The following LIM2 variants were observed in gnomAD, a reference collection of about 807,000 sequenced individuals.
LIM2 encodes lens fiber membrane intrinsic protein.
A neutral mutation model predicts 19.0 loss-of-function variants in LIM2; 14 were observed. That is an observed-to-expected ratio of 0.74 (90% CI 0.49 to 1.15). The LOEUF is 1.15. LIM2 is among the 50% of genes most tolerant of loss of function. The probability of loss-of-function intolerance (pLI) is 0.00; values close to 1 mark genes in which losing one functional copy is unlikely to be tolerated. For missense variants in LIM2, 230 were observed against 243.5 expected (o/e 0.94, Z 0.37); for synonymous variants, 78 against 89.6 (o/e 0.87, Z 0.73).
chr19:51,380,548 G>A lies in LIM2; in HGVS notation c.417C>T (p.Ser139=). 1 of 1,614,186 alleles carries A rather than the reference G, an allele frequency of 6.2e-7. No homozygotes were observed. Among genetic ancestry groups the A allele is most frequent in the Non-Finnish European group, 8.5e-7 (1 of 1,180,038 alleles). ...GCACTGCCACCCAGCCCAGGATGTA[G>A]GACCAGGAAAAGCGCCAGTCCCCAA... ...RRFGDWRFSW[S]YILGWVAVLM... Residue 139 remains serine (S), a synonymous_variant, in exon 4 of 5, where the codon TCC becomes TCT. Coordinates refer to ENST00000596399, the MANE Select transcript of LIM2 (RefSeq NM_001161748.2).
intron 2 of LIM2, chr19:51,387,066 T>C: frequency 1.0e-6 from 1 of 963,282 alleles, no homozygotes; most frequent in South Asian, 1.4e-5. Flanking sequence ...AACTTAACCT[T>C]CAAACCAGCA....
chr19:51,380,763 G>A, intron 3 of LIM2, 124 bp from the exon 4 acceptor site: 2 of 1,136,648 alleles, frequency 1.8e-6, no homozygotes, highest in Non-Finnish European at 2.6e-6. Context: ...TGGGTTGGGG[G>A]TGGGGATAGG....
intron 1 of LIM2, 101 bp from the exon 2 acceptor site, chr19:51,387,550 G>A (rs962932536): frequency 3.7e-5 from 56 of 1,531,212 alleles, no homozygotes; most frequent in Non-Finnish European, 4.5e-5. Context: ...CCAAGTGCTT[G>A]GGAGAAGGAG....
Position 51,380,606 on chromosome 19 carries a change from G to C in LIM2, c.359C>G (p.Thr120Ser). The change falls in exon 4 of 5, where the codon ACT becomes AGT. Residue 120 changes from threonine (T) to serine (S), a missense_variant. Coordinates refer to ENST00000596399, the MANE Select transcript of LIM2 (RefSeq NM_001161748.2). ...LFVVLALAIY[T>S]GVTVSFLGRR... is the part of the protein sequence containing the mutation. ...GCCCAGGAAGCTGACGGTGACTCCA[G>C]TGTAGATGGCCAAGGCCAACACGAC... 6.2e-7 allele frequency: 1 copy of C among 1,614,190 alleles called. No homozygotes were observed. Among genetic ancestry groups the C allele is most frequent in the Non-Finnish European group, 8.5e-7 (1 of 1,180,038 alleles).
Position 51,382,024 on chromosome 19 carries a change from G to A in LIM2, c.325+394C>T, listed in dbSNP as rs538389630. On this transcript the variant is annotated intron_variant, in intron 3 of 4. Transcript: ENST00000596399. ...ATTACGGGCGTGAGCCATCGCACCC[G>A]GCCTCCAGCAAATTTTTGAATCTGA... Among the ~76,000 whole-genome samples the A allele has an allele frequency of 5.9e-5, 9 of 152,236 alleles. No individual in the cohort carries two copies. In the South Asian group the frequency reaches 6.2e-4, roughly 11 times the overall value.
rs764408063 is a variant in LIM2, at chr19:51,387,474, T to G, written c.-6-25A>C. On this transcript the variant is annotated intron_variant, in intron 1 of 4. Transcript: ENST00000596399. ...TCTGTGGGGAAGGGGAGAGATGGGA[T>G]TGGGAGCTGAATTCCCGGGACTTGA... 3 of 1,612,230 alleles carry G rather than the reference T, an allele frequency of 1.9e-6. No homozygotes were observed. The South Asian group carries it at 3.3e-5, about 18-fold the overall frequency.
In LIM2 at chr19:51,387,320, G is replaced by A. The variant is rs745702770; in HGVS notation, c.124C>T (p.Leu42=). 7.4e-6 allele frequency: 12 copies of A among 1,614,042 alleles called. No individual in the cohort carries two copies. The highest frequency in any genetic ancestry group is 9.3e-6 in the Non-Finnish European group (11 of 1,180,048). ...TTGTTGCCCAGGCAGTACCGCCACAGGCCCTGGTGGGCGAAGGACCCTGAC... is the reference window on the plus strand; with the variant it reads ...TTGTTGCCCAGGCAGTACCGCCACAAGCCCTGGTGGGCGAAGGACCCTGAC... ...RLSGSFAHQG[L]WRYCLGNKCY... is the part of the protein sequence containing the mutation. The change falls in exon 2 of 5, where the codon CTG becomes TTG. Residue 42 remains leucine, a synonymous_variant. Coordinates refer to ENST00000596399, the MANE Select transcript of LIM2 (RefSeq NM_001161748.2).
At chr19:51,382,393 G>T (rs1201272725) in intron 3 of LIM2, 25 bp downstream of exon 3, 1 of 1,612,634 alleles carries the variant, frequency 6.2e-7, no homozygotes, top group Admixed American at 1.7e-5. Context: ...GAGGAGAGGG[G>T]TAGGGAGAGG....
intron 1 of LIM2, 42 bp downstream of exon 1, chr19:51,387,877 C>T (rs1300908723): frequency 9.2e-6 from 2 of 216,434 alleles, no homozygotes; most frequent in South Asian, 7.0e-5. Flanking sequence ...ACTCCTGGGA[C>T]TTGGGGAAGA....
At chr19:51,385,597 T>A (rs1004819205) in intron 2 of LIM2, among the ~76,000 whole-genome samples, 3 of 152,132 alleles carry the variant, frequency 2.0e-5, no homozygotes, top group African/African-American at 7.2e-5. Flanking sequence ...GTCTCCTGCA[T>A]CCCTGGCAGA....
Position 51,382,453 on chromosome 19 carries a change from C to T in LIM2, c.290G>A (p.Arg97Gln), listed in dbSNP as rs139708014. The stretch of plus-strand genomic sequence containing the variant: ...AAACATGATGCCAGCAGAGAAGGGC[C>T]GGGAGATGCGGGAGAAGGTAGGCTG... ...AHQPTFSRISRPFSAGIMFFS... is the reference protein window; with the variant it reads ...AHQPTFSRISQPFSAGIMFFS... Residue 97 changes from arginine to glutamine, a missense_variant, in exon 3 of 5, where the codon CGG becomes CAG. Physicochemically the swap from Arg to Gln is conservative, Grantham distance 43 (BLOSUM62 1). Coordinates refer to ENST00000596399, the MANE Select transcript of LIM2 (RefSeq NM_001161748.2). The T allele has an allele frequency of 1.2e-5, 19 of 1,613,664 alleles. No individual in the cohort carries two copies. The East Asian group carries it at 1.6e-4, about 13-fold the overall frequency.
chr19:51,387,122 G>A, intron 2 of LIM2, 147 bp downstream of exon 2: 1 of 1,459,750 alleles, frequency 6.9e-7, no homozygotes, highest in Non-Finnish European at 9.6e-7. Flanking sequence ...TCCCAGTTCT[G>A]CCCCCTCCAT....
At chr19:51,385,570 C>T (rs545651854) in intron 2 of LIM2, among the ~76,000 whole-genome samples, 1 of 152,152 alleles carries the variant, frequency 6.6e-6, no homozygotes, top group Non-Finnish European at 1.5e-5. Flanking sequence ...AACGAAAGAC[C>T]TTCACCAAGG....
Position 51,387,425 on chromosome 19 carries a change from C to A in LIM2, c.19G>T (p.Gly7Cys), listed in dbSNP as rs1335704935. The A allele has an allele frequency of 6.2e-7, 1 of 1,614,008 alleles. No homozygotes were observed. Among genetic ancestry groups the A allele is most frequent in the Non-Finnish European group, 8.5e-7 (1 of 1,179,996 alleles). Reference sequence around the variant, plus strand: ...CCCACCCAGGCACAGAACAGGCCACCACCCATGAAGCTGTACATGGTGATC... The same window carrying A: ...CCCACCCAGGCACAGAACAGGCCACAACCCATGAAGCTGTACATGGTGATC... MYSFMG[G>C]GLFCAWVGTI... Residue 7 changes from glycine to cysteine, a missense_variant, in exon 2 of 5, where the codon GGT (glycine) becomes TGT (cysteine). By Grantham distance (159) the Gly-to-Cys change is radical (BLOSUM62 -3). Coordinates refer to ENST00000596399, the MANE Select transcript of LIM2 (RefSeq NM_001161748.2).
chr19:51,380,415 G>A (rs977700667), intron 4 of LIM2, 90 bp downstream of exon 4: 1 of 1,596,306 alleles, frequency 6.3e-7, no homozygotes, highest in Non-Finnish European at 8.6e-7. Flanking sequence ...CAGTGCTGTG[G>A]GACTCATGTG....
At chr19:51,380,887 C>T (rs572266345) in intron 3 of LIM2, among the ~76,000 whole-genome samples, 1 of 152,118 alleles carries the variant, frequency 6.6e-6, no homozygotes, top group East Asian at 1.9e-4. Flanking sequence ...TCTCTGGTTC[C>T]TGGGAGGGAG....
Position 51,382,451 on chromosome 19 carries a change from G to C in LIM2, c.292C>G (p.Pro98Ala). The change falls in exon 3 of 5, where the codon CCC becomes GCC. Residue 98 changes from proline (P) to alanine (A), a missense_variant. Coordinates refer to ENST00000596399, the MANE Select transcript of LIM2 (RefSeq NM_001161748.2). ...HQPTFSRISR[P>A]FSAGIMFFSS... The stretch of plus-strand genomic sequence containing the variant: ...AAAAACATGATGCCAGCAGAGAAGG[G>C]CCGGGAGATGCGGGAGAAGGTAGGC... 1 of 1,613,962 alleles carries C rather than the reference G, an allele frequency of 6.2e-7. No individual in the cohort carries two copies. The highest frequency in any genetic ancestry group is 8.5e-7 in the Non-Finnish European group (1 of 1,179,990).
Position 51,387,477 on chromosome 19 carries a change from G to A in LIM2, c.-6-28C>T, listed in dbSNP as rs191458313. The A allele has an allele frequency of 2.3e-4, 377 of 1,612,300 alleles. 3 individuals carry two copies. In the African/African-American group the frequency reaches 4.0e-3, roughly 17 times the overall value. ...GTGGGGAAGGGGAGAGATGGGATTG[G>A]GAGCTGAATTCCCGGGACTTGAAGG... On this transcript the variant is annotated intron_variant, in intron 1 of 4. Coordinates refer to ENST00000596399, the MANE Select transcript of LIM2 (RefSeq NM_001161748.2).
At chr19:51,386,871 T>C (rs1987066999) in intron 2 of LIM2, among the ~76,000 whole-genome samples, 1 of 152,150 alleles carries the variant, frequency 6.6e-6, no homozygotes, top group African/African-American at 2.4e-5. Context: ...ATCTATGGCC[T>C]GGCACATTAT....
Sources: gnomAD v4.1 joint callset for allele counts (sites outside exome capture counted in the v4.1 genomes callset) on GRCh38, gnomAD v4.1.1 for gene constraint, MANE v1.5 for transcripts, NCBI Gene and HGNC (gene_info 2026-07-23, HGNC 2026-07-21) for gene names.